Variants in PDE4D observed in about 807,000 individuals in gnomAD.
PDE4D encodes 3',5'-cyclic-AMP phosphodiesterase 4D.
In PDE4D, 24 loss-of-function variants were observed where a neutral mutation model predicts 87.4. The observed-to-expected ratio is 0.27, with a 90% confidence interval of 0.20 to 0.39. The LOEUF (loss-of-function observed/expected upper bound fraction) is 0.39, where lower values mean the gene tolerates loss of function less well. Ranked by LOEUF, PDE4D falls within the 10% of genes least tolerant of loss-of-function variation. The pLI is 1.00. For synonymous variants in PDE4D, 384 were observed against 383.2 expected (o/e 1.00, Z -0.02); for missense variants, 714 against 1,041.0 (o/e 0.69, Z 4.32).
At chr5:60,432,631 A>G (rs928684593) in intron 1 of PDE4D, among the ~76,000 whole-genome samples, 1 of 152,246 alleles carries the variant, frequency 6.6e-6, no homozygotes, top group Non-Finnish European at 1.5e-5. Flanking sequence ...AGCAATTCTA[A>G]GCAAAAAAGA....
chr5:59,925,730 C>A (rs548598370), intron 3 of PDE4D, among the ~76,000 whole-genome samples: 4 of 152,024 alleles, frequency 2.6e-5, no homozygotes, highest in Non-Finnish European at 5.9e-5. Flanking sequence ...TTATATCAGA[C>A]AAAATAAATT....
intron 1 of PDE4D, among the ~76,000 whole-genome samples, chr5:60,501,432 G>C (rs1357402423): frequency 6.6e-6 from 1 of 151,514 alleles, no homozygotes; most frequent in Admixed American, 6.6e-5. Flanking sequence ...CCAAGTCTTT[G>C]CTATTGTGAA....
At chr5:59,733,913 A>G (rs997848039) in intron 1 of PDE4D, among the ~76,000 whole-genome samples, 1 of 152,156 alleles carries the variant, frequency 6.6e-6, no homozygotes, top group Non-Finnish European at 1.5e-5. Context: ...TTACTGAAAG[A>G]GTAAACTTGA....
chr5:59,156,231 G>A lies in PDE4D; in HGVS notation c.808+24364C>T, dbSNP rs183158244. Among the ~76,000 whole-genome samples the A allele has an allele frequency of 1.3e-4, 19 of 151,516 alleles. No individual in the cohort carries two copies. The East Asian group carries it at 3.7e-3, about 30-fold the overall frequency. On this transcript the variant is annotated intron_variant, in intron 5 of 14. Transcript: ENST00000340635. The stretch of plus-strand genomic sequence containing the variant: ...GATGGCAAGAGATTCGAGAGAGACT[G>A]GGCAGGCCAGAGGGAGAGGTTAGGA...
chr5:60,437,137 T>C (rs1744825791), intron 1 of PDE4D, among the ~76,000 whole-genome samples: 1 of 152,060 alleles, frequency 6.6e-6, no homozygotes, highest in African/African-American at 2.4e-5. Context: ...TCTATCTGGT[T>C]GTTGTGATAG....
chr5:59,062,244 A>C (rs73093303), intron 5 of PDE4D, among the ~76,000 whole-genome samples: 6,835 of 152,190 alleles, frequency 0.045, 519 homozygotes, highest in African/African-American at 0.16. Context: ...CTATTAATTA[A>C]GGGGAATCTC....
At chr5:59,955,275 T>G (rs1758707892) in intron 3 of PDE4D, among the ~76,000 whole-genome samples, 3 of 152,230 alleles carry the variant, frequency 2.0e-5, no homozygotes, top group Admixed American at 1.3e-4. Context: ...TGTATAATAC[T>G]AGTTGATACT....
chr5:60,054,032 A>T lies in PDE4D; in HGVS notation c.43-65315T>A, dbSNP rs116739036. ...ATGGTGATAATTAAAATGTCTGGAA[A>T]CAACAGATGCTGGAGAGGACGTGGA... On this transcript the variant is annotated intron_variant, in intron 2 of 16. Transcript: ENST00000502484. Among the ~76,000 whole-genome samples, 968 of 152,318 alleles carry T rather than the reference A, an allele frequency of 6.4e-3. 16 individuals are homozygous for T. Among genetic ancestry groups the T allele is most frequent in the East Asian group, 0.045 (233 of 5,174 alleles).
intron 1 of PDE4D, among the ~76,000 whole-genome samples, chr5:59,406,676 T>C (rs929886810): frequency 3.9e-5 from 6 of 152,092 alleles, no homozygotes; most frequent in South Asian, 4.1e-4. Flanking sequence ...GTGTGAGCCA[T>C]TGTGCCCAGC....
chr5:59,221,468 C>CAA (rs1561744678), intron 1 of PDE4D, among the ~76,000 whole-genome samples: 1 of 151,906 alleles, frequency 6.6e-6, no homozygotes. Flanking sequence ...ACCATCTTTA[C>CAA]AAAAAATTTT....
At chr5:59,418,498 A>C (rs1188362293) in intron 1 of PDE4D, among the ~76,000 whole-genome samples, 1 of 152,144 alleles carries the variant, frequency 6.6e-6, no homozygotes, top group East Asian at 1.9e-4. Flanking sequence ...GCATTCTCTG[A>C]TACTCCCAGT....
chr5:59,875,267 C>A (rs1384955105), intron 1 of PDE4D, among the ~76,000 whole-genome samples: 1 of 151,862 alleles, frequency 6.6e-6, no homozygotes. Flanking sequence ...TGATACCATC[C>A]TGGCCAACAT....
intron 1 of PDE4D, among the ~76,000 whole-genome samples, chr5:59,577,605 C>T (rs1823387552): frequency 6.6e-6 from 1 of 151,970 alleles, no homozygotes; most frequent in South Asian, 2.1e-4. Context: ...AATGAAGTTC[C>T]CTGACAAGTG....
intron 1 of PDE4D, among the ~76,000 whole-genome samples, chr5:60,375,587 A>G (rs1761367699): frequency 6.6e-6 from 1 of 152,202 alleles, no homozygotes; most frequent in Admixed American, 6.5e-5. Flanking sequence ...TTTGAAAAAG[A>G]TGCCCCTTTT....
chr5:59,243,679 C>T (rs556791638), intron 1 of PDE4D, among the ~76,000 whole-genome samples: 185 of 151,702 alleles, frequency 1.2e-3, no homozygotes, highest in African/African-American at 4.1e-3. Flanking sequence ...AGGCTGGTCT[C>T]GAACTCCTGA....
chr5:59,107,162 G>C (rs1160505001), intron 5 of PDE4D, among the ~76,000 whole-genome samples: 1 of 152,100 alleles, frequency 6.6e-6, no homozygotes, highest in Non-Finnish European at 1.5e-5. Context: ...GACATAATAT[G>C]AAATATAGAC....
chr5:59,010,649 G>A (rs1752604030), intron 6 of PDE4D, among the ~76,000 whole-genome samples: 1 of 152,054 alleles, frequency 6.6e-6, no homozygotes, highest in Non-Finnish European at 1.5e-5. Context: ...AGCTGATGGA[G>A]ACACAAAAAT....
chr5:59,686,724 C>G (rs909964662), intron 1 of PDE4D, among the ~76,000 whole-genome samples: 8 of 152,132 alleles, frequency 5.3e-5, no homozygotes, highest in East Asian at 1.9e-4. Context: ...TACTGTACAG[C>G]TTATTTCTTT....
intron 3 of PDE4D, among the ~76,000 whole-genome samples, chr5:59,946,382 G>A (rs1757725245): frequency 6.6e-6 from 1 of 152,174 alleles, no homozygotes; most frequent in South Asian, 2.1e-4. Flanking sequence ...TTACAGGGAG[G>A]TCGGGAATTA....
Sources: gnomAD v4.1 joint callset for allele counts (sites outside exome capture counted in the v4.1 genomes callset) on GRCh38, gnomAD v4.1.1 for gene constraint, MANE v1.5 for transcripts, NCBI Gene and HGNC (gene_info 2026-07-23, HGNC 2026-07-21) for gene names.